The following ADCYAP1R1 variants were observed in gnomAD, a reference collection of about 807,000 sequenced individuals.
ADCYAP1R1 encodes the protein ADCYAP receptor type I, also known as pituitary adenylate cyclase-activating polypeptide type I receptor.
A neutral mutation model predicts 67.6 loss-of-function variants in ADCYAP1R1; 44 were observed. The observed-to-expected ratio is 0.65, with a 90% CI of 0.51 to 0.84. The LOEUF is 0.84. Among genes scored for constraint, ADCYAP1R1 ranks in the 40% least tolerant of loss-of-function variants. ADCYAP1R1 has a pLI of 0.00. For synonymous variants in ADCYAP1R1, 222 were observed against 219.6 expected, an observed-to-expected ratio of 1.01 and a Z score of -0.10; for missense variants, 477 against 587.9, an observed-to-expected ratio of 0.81 and a Z score of 1.95.
At position 31,096,491 on chromosome 7, in the gene ADCYAP1R1, C is replaced by T. The variant is rs138452366; in HGVS notation, c.1046+3756C>T. ...TCATGTTAGGGGCTGGCAGTAGGGACTAGTTACCCTCATGTTGCAGACAGA... is the reference window on the plus strand; with the variant it reads ...TCATGTTAGGGGCTGGCAGTAGGGATTAGTTACCCTCATGTTGCAGACAGA... On this transcript the variant is annotated intron_variant, in intron 13 of 15. Transcript: ENST00000304166. 2.2e-3 allele frequency among the ~76,000 whole-genome samples: 335 copies of T among 152,306 alleles called. 1 individual carries two copies. Among genetic ancestry groups the T allele is most frequent in the Middle Eastern group, 0.01 (3 of 294 alleles).
At chr7:31,081,869 T>A (rs1188877526) in intron 6 of ADCYAP1R1, 115 bp downstream of exon 6, 2 of 772,302 alleles carry the variant, frequency 2.6e-6, no homozygotes, top group Non-Finnish European at 2.0e-6. Flanking sequence ...GGCTGTGTGA[T>A]CTTTGGCAGG....
intron 13 of ADCYAP1R1, among the ~76,000 whole-genome samples, chr7:31,094,657 G>T (rs1222709980): frequency 1.3e-5 from 2 of 152,024 alleles, no homozygotes; most frequent in African/African-American, 2.4e-5. Flanking sequence ...CAGACATTCT[G>T]CTTTGGGCAG....
intron 12 of ADCYAP1R1, among the ~76,000 whole-genome samples, chr7:31,091,991 G>C (rs181649886): frequency 6.6e-6 from 1 of 150,730 alleles, no homozygotes; most frequent in East Asian, 1.9e-4. Flanking sequence ...TTTTTAATCA[G>C]TTAGTTTTTG....
At chr7:31,067,596 A>G (rs1331835555) in intron 3 of ADCYAP1R1, among the ~76,000 whole-genome samples, 1 of 152,160 alleles carries the variant, frequency 6.6e-6, no homozygotes, top group African/African-American at 2.4e-5. Context: ...TTGCTTAAGG[A>G]CATAGTCCAT....
chr7:31,054,471 C>T (rs1430101295), intron 1 of ADCYAP1R1, among the ~76,000 whole-genome samples: 1 of 152,186 alleles, frequency 6.6e-6, no homozygotes, highest in African/African-American at 2.4e-5. Flanking sequence ...TTCACATGGC[C>T]ACCTCTCTCT....
intron 1 of ADCYAP1R1, among the ~76,000 whole-genome samples, chr7:31,056,143 C>G (rs1371537953): frequency 6.6e-6 from 1 of 152,158 alleles, no homozygotes; most frequent in Non-Finnish European, 1.5e-5. Flanking sequence ...ATGATGAGAC[C>G]TGAAACAGCT....
At chr7:31,077,948 T>A (rs931821412) in intron 3 of ADCYAP1R1, 43 bp from the exon 4 acceptor site, 2 of 1,366,466 alleles carry the variant, frequency 1.5e-6, no homozygotes, top group African/African-American at 2.9e-5. Flanking sequence ...TGTGTATGGG[T>A]GTGTGTGGCT....
At chr7:31,083,657 A>G (rs2128629416) in intron 6 of ADCYAP1R1, among the ~76,000 whole-genome samples, 1 of 152,324 alleles carries the variant, frequency 6.6e-6, no homozygotes, top group African/African-American at 2.4e-5. Context: ...GAGGGAAAGC[A>G]TCACATCAAG....
intron 13 of ADCYAP1R1, chr7:31,100,012 T>C: frequency 9.9e-7 from 1 of 1,006,294 alleles, no homozygotes; most frequent in Non-Finnish European, 1.5e-6. Context: ...CTCCTCCACA[T>C]GACTGCCCTG....
intron 6 of ADCYAP1R1, among the ~76,000 whole-genome samples, chr7:31,083,693 C>A (rs2128629429): frequency 6.6e-6 from 1 of 152,234 alleles, no homozygotes; most frequent in Non-Finnish European, 1.5e-5. Flanking sequence ...GTGCCAAGGA[C>A]CCCACCCACA....
chr7:31,089,611 A>G (rs1584523945), intron 12 of ADCYAP1R1, among the ~76,000 whole-genome samples: 1 of 152,174 alleles, frequency 6.6e-6, no homozygotes, highest in Admixed American at 6.5e-5. Flanking sequence ...CGTCCTTAGA[A>G]TAAATCTCAA....
In ADCYAP1R1 at chr7:31,102,387, T is replaced by A. The variant is rs1196446614; in HGVS notation, c.1047-850T>A. Among the ~76,000 whole-genome samples, 3 of 152,108 alleles carry A rather than the reference T, an allele frequency of 2.0e-5. No homozygotes were observed. Among genetic ancestry groups the A allele is most frequent in the South Asian group, 2.1e-4 (1 of 4,820 alleles). ...CACTCTGGGTGAATGCTTGTGAGTG[T>A]CCCCTATAGAGCAGGACCCACAAGT... On this transcript the variant is annotated intron_variant, in intron 13 of 15. Coordinates refer to ENST00000304166, the MANE Select transcript of ADCYAP1R1 (RefSeq NM_001118.5). This position sits in a 1 kb window ranked among gnomAD's most constrained non-coding sequence, Gnocchi z 4.3.
intron 1 of ADCYAP1R1, among the ~76,000 whole-genome samples, chr7:31,060,984 A>G (rs1443804242): frequency 2.6e-5 from 4 of 152,240 alleles, no homozygotes; most frequent in African/African-American, 4.8e-5. Context: ...AGTTGTGGAA[A>G]GCTCTGATGA....
In ADCYAP1R1 at chr7:31,094,676, C is replaced by T. The variant is rs149712877; in HGVS notation, c.1046+1941C>T. 5.3e-3 allele frequency among the ~76,000 whole-genome samples: 809 copies of T among 152,198 alleles called. 6 individuals carry two copies. The highest frequency in any genetic ancestry group is 0.019 in the African/African-American group (772 of 41,506). On this transcript the variant is annotated intron_variant, in intron 13 of 15. Coordinates refer to ENST00000304166, the MANE Select transcript of ADCYAP1R1 (RefSeq NM_001118.5). ...CATTCTGCTTTGGGCAGCAAGAACC[C>T]CCAGGGCCTGGTGGGAAAGAAGTGC... is the stretch of plus-strand genomic sequence containing the variant.
intron 1 of ADCYAP1R1, among the ~76,000 whole-genome samples, chr7:31,060,240 A>G (rs556145005): frequency 6.6e-6 from 1 of 152,322 alleles, no homozygotes; most frequent in South Asian, 2.1e-4. Context: ...GTGTGCGTGC[A>G]TGTACACACA....
chr7:31,054,733 G>T (rs1794169932), intron 1 of ADCYAP1R1, among the ~76,000 whole-genome samples: 1 of 152,236 alleles, frequency 6.6e-6, no homozygotes, highest in Non-Finnish European at 1.5e-5. Context: ...CAGAACCAAG[G>T]TGTGCCAAGT....
At chr7:31,071,208 A>G (rs1355418343) in intron 3 of ADCYAP1R1, among the ~76,000 whole-genome samples, 2 of 152,144 alleles carry the variant, frequency 1.3e-5, no homozygotes, top group African/African-American at 2.4e-5. Flanking sequence ...TTAGCTCCTT[A>G]TTTTGTTCCA....
intron 3 of ADCYAP1R1, among the ~76,000 whole-genome samples, chr7:31,075,924 A>C (rs754121622): frequency 1.3e-5 from 2 of 152,202 alleles, no homozygotes; most frequent in African/African-American, 4.8e-5. Flanking sequence ...GATCAGGAGC[A>C]CTAAAGGGAA....
In ADCYAP1R1 at chr7:31,087,715, A is replaced by C; in HGVS notation, c.954+19A>C. The C allele has an allele frequency of 6.2e-7, 1 of 1,608,750 alleles. No individual in the cohort carries two copies. The highest frequency in any genetic ancestry group is 1.3e-5 in the African/African-American group (1 of 74,806). Reference sequence around the variant, plus strand: ...TATCATGGTGAGTGTCCTTGGGATGAAGAGGAAGGGAAGAGACAGGGTCTT... The same window carrying C: ...TATCATGGTGAGTGTCCTTGGGATGCAGAGGAAGGGAAGAGACAGGGTCTT... On this transcript the variant is annotated intron_variant, in intron 12 of 15. Transcript: ENST00000304166.
Sources: gnomAD v4.1 joint callset for allele counts (sites outside exome capture counted in the v4.1 genomes callset) on GRCh38, gnomAD v4.1.1 for gene constraint, Gnocchi (gnomAD v3.1) non-coding constraint, MANE v1.5 for transcripts, NCBI Gene and HGNC (gene_info 2026-07-23, HGNC 2026-07-21) for gene names.